HIP1: variants seen among roughly 807,000 people sequenced by gnomAD.
HIP1 encodes huntingtin interacting protein 1.
A neutral mutation model predicts 147.6 loss-of-function variants in HIP1; 65 were observed. The ratio of observed to expected loss-of-function variants is 0.44; its 90% CI spans 0.36 to 0.54. The LOEUF is 0.54. HIP1 is among the 20% of genes least tolerant of loss of function. HIP1 has a pLI of 0.00. For synonymous variants in HIP1, 479 were observed against 504.0 expected (o/e 0.95, Z 0.67); for missense variants, 1,061 against 1,299.6 (o/e 0.82, Z 2.82).
chr7:75,609,385 G>A (rs184523766), intron 1 of HIP1, among the ~76,000 whole-genome samples: 1 of 152,098 alleles, frequency 6.6e-6, no homozygotes, highest in Non-Finnish European at 1.5e-5. Context: ...CAGATACTGA[G>A]GGGTTTCCAG....
At chr7:75,668,637 C>G (rs535440027) in intron 1 of HIP1, among the ~76,000 whole-genome samples, 1 of 152,180 alleles carries the variant, frequency 6.6e-6, no homozygotes, top group South Asian at 2.1e-4. Flanking sequence ...GACTTCCCAA[C>G]TTTTCAAGCC....
intron 7 of HIP1, among the ~76,000 whole-genome samples, chr7:75,578,661 C>A (rs1554498115): frequency 6.6e-6 from 1 of 152,080 alleles, no homozygotes; most frequent in Non-Finnish European, 1.5e-5. Context: ...TTGGGTGACA[C>A]AACCAGACTA....
chr7:75,609,215 C>T (rs1797336016), intron 1 of HIP1, among the ~76,000 whole-genome samples: 1 of 152,182 alleles, frequency 6.6e-6, no homozygotes, highest in Non-Finnish European at 1.5e-5. Flanking sequence ...CATCATCGTG[C>T]CCCAGTTCCC....
rs187789992 is a variant in HIP1, at chr7:75,646,208, T to C, written c.121-46961A>G. Among the ~76,000 whole-genome samples, 204 of 152,230 alleles carry C rather than the reference T, an allele frequency of 1.3e-3. 2 individuals carry two copies. Among genetic ancestry groups the C allele is most frequent in the African/African-American group, 4.6e-3 (189 of 41,536 alleles). ...GATTCTCCCACCTCAGTCTCCCAAG[T>C]AGCTGGGATTACAGGCACCCGCCAC... is the stretch of plus-strand genomic sequence containing the variant. On this transcript the variant is annotated intron_variant, in intron 1 of 30. Coordinates refer to ENST00000336926, the MANE Select transcript of HIP1 (RefSeq NM_005338.7).
chr7:75,646,018 C>T (rs1554511071), intron 1 of HIP1, among the ~76,000 whole-genome samples: 1 of 152,132 alleles, frequency 6.6e-6, no homozygotes, highest in Non-Finnish European at 1.5e-5. Flanking sequence ...ATTAGAATCC[C>T]AAACCTTAGC....
intron 1 of HIP1, among the ~76,000 whole-genome samples, chr7:75,737,677 C>T (rs1353104266): frequency 6.6e-6 from 1 of 152,160 alleles, no homozygotes; most frequent in Admixed American, 6.6e-5. Flanking sequence ...ATTCCATATA[C>T]AGAACCTTCA....
chr7:75,589,018 C>T (rs1158335364), intron 4 of HIP1, among the ~76,000 whole-genome samples: 1 of 151,720 alleles, frequency 6.6e-6, no homozygotes, highest in African/African-American at 2.4e-5. Flanking sequence ...GGCGTGGTGG[C>T]ACATGCCTGT....
At chr7:75,652,531 T>C (rs1799029706) in intron 1 of HIP1, among the ~76,000 whole-genome samples, 1 of 151,930 alleles carries the variant, frequency 6.6e-6, no homozygotes, top group Non-Finnish European at 1.5e-5. Context: ...TCCTAGCTAA[T>C]TTTTAAATTT....
chr7:75,590,786 T>C (rs1814548624), intron 4 of HIP1, among the ~76,000 whole-genome samples: 1 of 152,174 alleles, frequency 6.6e-6, no homozygotes, highest in South Asian at 2.1e-4. Flanking sequence ...CAGGGAACGT[T>C]TTCTAGCACA....
At chr7:75,578,417 A>C (rs1173149297) in intron 7 of HIP1, among the ~76,000 whole-genome samples, 3 of 152,096 alleles carry the variant, frequency 2.0e-5, no homozygotes, top group Non-Finnish European at 4.4e-5. Context: ...GGCTCATGCC[A>C]ATAATCCCAG....
intron 1 of HIP1, among the ~76,000 whole-genome samples, chr7:75,643,827 C>T (rs1390347694): frequency 6.6e-6 from 1 of 152,094 alleles, no homozygotes; most frequent in Non-Finnish European, 1.5e-5. Context: ...TGGTGAAACC[C>T]TGTCTCTACT....
In HIP1 at chr7:75,533,471, C is replaced by T. The variant is rs782584651; in HGVS notation, c.*4701G>A. 8.6e-6 allele frequency: 2 copies of T among 232,278 alleles called. No individual in the cohort carries two copies. The highest frequency in any genetic ancestry group is 2.2e-5 in the African/African-American group (1 of 45,370). The allele number at this position is 232,278 out of a possible 1,614,324, so 14.4% of individuals were successfully genotyped here. On this transcript the variant is annotated 3_prime_UTR_variant, in exon 31 of 31. Transcript: ENST00000336926. ...AAATGAAATTCATTTCAAGGAACTA[C>T]CCTAATGGAAACCCAGGGGAAAGGT...
intron 1 of HIP1, among the ~76,000 whole-genome samples, chr7:75,708,842 C>T (rs1416787889): frequency 6.6e-6 from 1 of 151,996 alleles, no homozygotes; most frequent in Non-Finnish European, 1.5e-5. Flanking sequence ...TACTCAGAGT[C>T]CCTTGAGATT....
chr7:75,630,604 G>A (rs1239539327), intron 1 of HIP1, among the ~76,000 whole-genome samples: 1 of 151,788 alleles, frequency 6.6e-6, no homozygotes, highest in Non-Finnish European at 1.5e-5. Flanking sequence ...CCCTTTTAGC[G>A]TGCCTGAAAT....
At chr7:75,608,753 C>T (rs1797322069) in intron 1 of HIP1, among the ~76,000 whole-genome samples, 1 of 152,134 alleles carries the variant, frequency 6.6e-6, no homozygotes, top group African/African-American at 2.4e-5. Context: ...GAGAGGCAAC[C>T]TCTCTGGGTT....
At chr7:75,675,560 T>C (rs895647988) in intron 1 of HIP1, among the ~76,000 whole-genome samples, 5 of 152,280 alleles carry the variant, frequency 3.3e-5, no homozygotes, top group Admixed American at 3.3e-4. Flanking sequence ...TTCTTTTTTG[T>C]TCCTTTTTAT....
chr7:75,538,226 T>C lies in HIP1; in HGVS notation c.3062-2A>G. Reference sequence around the variant, plus strand: ...GTGTAGGTGGAGATGCCTCTGTTCCTAAAAGACAATGATAATTTATGTTGC... The same window carrying C: ...GTGTAGGTGGAGATGCCTCTGTTCCCAAAAGACAATGATAATTTATGTTGC... On this transcript the variant is annotated splice_acceptor_variant, in intron 30 of 30. Coordinates refer to ENST00000336926, the MANE Select transcript of HIP1 (RefSeq NM_005338.7). LOFTEE classifies it high-confidence loss of function. 1 of 1,612,032 alleles carries C rather than the reference T, an allele frequency of 6.2e-7. No individual in the cohort carries two copies. Among genetic ancestry groups the C allele is most frequent in the African/African-American group, 1.3e-5 (1 of 74,956 alleles).
intron 1 of HIP1, among the ~76,000 whole-genome samples, chr7:75,716,832 G>C (rs1309413459): frequency 2.7e-5 from 4 of 150,092 alleles, no homozygotes; most frequent in Non-Finnish European, 5.9e-5. Flanking sequence ...TTTTAGGGGG[G>C]GGGAAAGGAT....
chr7:75,708,997 C>CCTTTTATTTATGTCTT (rs1801081952), intron 1 of HIP1, among the ~76,000 whole-genome samples: 1 of 151,538 alleles, frequency 6.6e-6, no homozygotes, highest in Non-Finnish European at 1.5e-5. Context: ...GGATGTGTTT[C>CCTTTTATTTATGTCTT]CTTTTATTTA....
Sources: gnomAD v4.1 joint callset for allele counts (sites outside exome capture counted in the v4.1 genomes callset) on GRCh38, gnomAD v4.1.1 for gene constraint, MANE v1.5 for transcripts, NCBI Gene and HGNC (gene_info 2026-07-23, HGNC 2026-07-21) for gene names.